Variants in ATRNL1 observed in about 807,000 individuals in gnomAD.
The protein encoded by ATRNL1 is attractin like 1.
ATRNL1 carries 95 observed loss-of-function variants against 182.7 expected under a neutral mutation model. The ratio of observed to expected loss-of-function variants is 0.52; its 90% CI spans 0.44 to 0.62. The LOEUF (loss-of-function observed/expected upper bound fraction) is 0.62, where lower values mean the gene tolerates loss of function less well. Ranked by LOEUF, ATRNL1 falls within the 20% of genes least tolerant of loss-of-function variation. The pLI is 0.00. For missense variants in ATRNL1, 1,471 were observed against 1,679.5 expected (o/e 0.88, Z 2.17); for synonymous variants, 576 against 568.3 (o/e 1.01, Z -0.19).
chr10:115,297,583 T>TG (rs1853263193), intron 15 of ATRNL1, among the ~76,000 whole-genome samples: 1 of 150,836 alleles, frequency 6.6e-6, no homozygotes. Context: ...AGGTGGAACT[T>TG]GCAGTGAGCC....
At chr10:115,629,149 A>G in intron 26 of ATRNL1, among the ~76,000 whole-genome samples, 1 of 152,328 alleles carries the variant, frequency 6.6e-6, no homozygotes, top group Non-Finnish European at 1.5e-5. Flanking sequence ...TTAATCTGGA[A>G]TTTTAAATTA....
Position 115,814,556 on chromosome 10 carries a change from G to A in ATRNL1, c.3904-33321G>A, listed in dbSNP as rs1432917912. ...GTGATAGTGAGTTACCAGTCCCACA[G>A]AGATCCAAGTATTAAAATGAGCGAT... is the stretch of plus-strand genomic sequence containing the variant. On this transcript the variant is annotated intron_variant, in intron 27 of 28. Transcript: ENST00000355044. 2.0e-5 allele frequency among the ~76,000 whole-genome samples: 3 copies of A among 152,154 alleles called. No individual in the cohort carries two copies. The East Asian group carries it at 5.8e-4, about 29-fold the overall frequency.
At chr10:115,742,940 G>A (rs1948180263) in intron 27 of ATRNL1, among the ~76,000 whole-genome samples, 1 of 152,144 alleles carries the variant, frequency 6.6e-6, no homozygotes, top group Admixed American at 6.6e-5. Flanking sequence ...GCATGGCTGG[G>A]GAGGCTTCAG....
At chr10:115,692,478 G>A (rs1419160749) in intron 26 of ATRNL1, among the ~76,000 whole-genome samples, 1 of 152,014 alleles carries the variant, frequency 6.6e-6, no homozygotes, top group Non-Finnish European at 1.5e-5. Flanking sequence ...GAAGGTCGCT[G>A]CATTACATTT....
At chr10:115,462,123 T>C in intron 22 of ATRNL1, 88 bp downstream of exon 22, 2 of 873,864 alleles carry the variant, frequency 2.3e-6, no homozygotes, top group Admixed American at 2.6e-5. Flanking sequence ...TTCTCAGAAT[T>C]ATCACATTGT....
At chr10:115,662,471 A>C (rs1860756272) in intron 26 of ATRNL1, among the ~76,000 whole-genome samples, 1 of 152,152 alleles carries the variant, frequency 6.6e-6, no homozygotes. Flanking sequence ...TTATATACCC[A>C]AAATTAAATT....
At chr10:115,320,052 A>G (rs552317308) in intron 18 of ATRNL1, among the ~76,000 whole-genome samples, 95 of 151,890 alleles carry the variant, frequency 6.3e-4, no homozygotes, top group African/African-American at 2.3e-3. Context: ...TTCCATATTT[A>G]GTGCTTCTTT....
At chr10:115,128,798 G>T (rs1330281850) in intron 4 of ATRNL1, among the ~76,000 whole-genome samples, 1 of 146,542 alleles carries the variant, frequency 6.8e-6, no homozygotes, top group South Asian at 2.1e-4. Flanking sequence ...CTGCATTCCA[G>T]CCTGGGCGAC....
intron 27 of ATRNL1, among the ~76,000 whole-genome samples, chr10:115,835,824 C>T (rs1950657148): frequency 6.6e-6 from 1 of 152,182 alleles, no homozygotes; most frequent in Non-Finnish European, 1.5e-5. Context: ...TCGCTGAGGA[C>T]AGCCTCCATC....
At chr10:115,558,177 G>A (rs540172336) in intron 26 of ATRNL1, among the ~76,000 whole-genome samples, 39 of 152,280 alleles carry the variant, frequency 2.6e-4, no homozygotes, top group African/African-American at 9.4e-4. Flanking sequence ...CGGGTCCTTG[G>A]AGATTTGGAC....
At chr10:115,257,682 G>T (rs545054067) in intron 10 of ATRNL1, among the ~76,000 whole-genome samples, 2 of 152,294 alleles carry the variant, frequency 1.3e-5, no homozygotes, top group Admixed American at 6.5e-5. Context: ...CCTGTTAATT[G>T]ATGCAGTTTC....
At chr10:115,839,009 T>C (rs978041167) in intron 27 of ATRNL1, among the ~76,000 whole-genome samples, 1 of 152,146 alleles carries the variant, frequency 6.6e-6, no homozygotes, top group Admixed American at 6.5e-5. Context: ...ATAATTACAG[T>C]AGAAAGTCAT....
At chr10:115,376,597 G>A (rs1327183008) in intron 19 of ATRNL1, among the ~76,000 whole-genome samples, 2 of 152,158 alleles carry the variant, frequency 1.3e-5, no homozygotes, top group Non-Finnish European at 2.9e-5. Flanking sequence ...GGTCTCAAGT[G>A]ATCCTTCTGC....
chr10:115,157,050 GGT>G (rs1436303241), intron 5 of ATRNL1, among the ~76,000 whole-genome samples: 1 of 151,850 alleles, frequency 6.6e-6, no homozygotes, highest in Non-Finnish European at 1.5e-5. Context: ...AACATAGTAG[GGT>G]GACTATAGTT....
At chr10:115,589,080 A>G (rs1555011303) in intron 26 of ATRNL1, among the ~76,000 whole-genome samples, 1 of 152,210 alleles carries the variant, frequency 6.6e-6, no homozygotes. Context: ...AGATATGATA[A>G]GAAATATAAT....
rs1435309777 is a variant in ATRNL1 at position 115,240,861 on chromosome 10, G to C, written c.1533-710G>C. ...TATTAATTTTAATGTTTCACAAGAT[G>C]CGTTGTAATTGTAATTTTTGATTAC... On this transcript the variant is annotated intron_variant, in intron 9 of 28. Transcript: ENST00000355044. Among the ~76,000 whole-genome samples the C allele has an allele frequency of 3.9e-5, 6 of 151,902 alleles. No homozygotes were observed. In the East Asian group the frequency reaches 1.2e-3, roughly 29 times the overall value.
At chr10:115,595,141 A>G (rs946273913) in intron 26 of ATRNL1, among the ~76,000 whole-genome samples, 17 of 152,100 alleles carry the variant, frequency 1.1e-4, no homozygotes, top group Non-Finnish European at 2.5e-4. Flanking sequence ...CCTGTCCAAA[A>G]TGATAGCTGT....
At chr10:115,160,723 G>T (rs1278783996) in intron 6 of ATRNL1, among the ~76,000 whole-genome samples, 2 of 151,854 alleles carry the variant, frequency 1.3e-5, no homozygotes, top group African/African-American at 2.4e-5. Flanking sequence ...TGGATAAGGG[G>T]AATCATATGG....
chr10:115,439,690 T>C (rs1298119022), intron 21 of ATRNL1, among the ~76,000 whole-genome samples: 2 of 151,892 alleles, frequency 1.3e-5, no homozygotes, highest in Non-Finnish European at 2.9e-5. Flanking sequence ...GAGACTATTC[T>C]GGACTATCCT....
Sources: allele counts gnomAD v4.1 joint callset (sites outside exome capture counted in the v4.1 genomes callset), GRCh38; gene constraint gnomAD v4.1.1; transcripts MANE v1.5; gene names NCBI Gene and HGNC (gene_info 2026-07-23, HGNC 2026-07-21).